LZTFL1: variants seen among roughly 807,000 people sequenced by gnomAD.
LZTFL1 encodes the protein leucine zipper transcription factor like 1, also known as leucine zipper transcription factor-like protein 1.
Under a neutral mutation model 45.9 loss-of-function variants are expected in LZTFL1, and 25 were observed. The ratio of observed to expected loss-of-function variants is 0.54; its 90% CI spans 0.40 to 0.76. The LOEUF is 0.76. Ranked by LOEUF, LZTFL1 falls within the 30% of genes least tolerant of loss-of-function variation. The pLI is 0.00. For synonymous variants in LZTFL1, 93 were observed against 117.4 expected (o/e 0.79, Z 1.35); for missense variants, 277 against 331.1 (o/e 0.84, Z 1.27).
At position 45,900,901 on chromosome 3, in the gene LZTFL1, G is replaced by A. The variant is rs765288021; in HGVS notation, c.-215+12219C>T. On this transcript the variant is annotated intron_variant, in intron 2 of 4. Coordinates refer to the LZTFL1 transcript ENST00000472635. This position sits in a 1 kb window ranked among gnomAD's most constrained non-coding sequence, Gnocchi z 4.7. ...AACTTCAACTTCACTGACTTCTACT[G>A]TGAGAAAAACAATGTCAGGCAGTTT... 6.2e-7 allele frequency: 1 copy of A among 1,614,162 alleles called. No homozygotes were observed. The highest frequency in any genetic ancestry group is 8.5e-7 in the Non-Finnish European group (1 of 1,180,026).
At position 45,889,405 on chromosome 3, in the gene LZTFL1, G is replaced by A. The variant is rs187800497; in HGVS notation, c.-215+23715C>T. ...TAATTACTAGACTTGCTCTTTCTGCGGTAGCTGGAGCAGGCTACAAGTTCC... is the reference window on the plus strand; with the variant it reads ...TAATTACTAGACTTGCTCTTTCTGCAGTAGCTGGAGCAGGCTACAAGTTCC... On this transcript the variant is annotated intron_variant, in intron 2 of 4. Transcript: ENST00000472635. Among the ~76,000 whole-genome samples the A allele has an allele frequency of 1.6e-3, 250 of 152,146 alleles. 1 individual carries two copies. Among genetic ancestry groups the A allele is most frequent in the Admixed American group, 0.015 (236 of 15,280 alleles).
In LZTFL1 at chr3:45,903,641, TG is replaced by T. The variant is rs369586478; in HGVS notation, c.-215+9478del. ...TGCCCACTTCTAAAGCACATGAGAA[TG>T]AGGAATAAAGTGAGCAGACATGGGC... On this transcript the variant is annotated intron_variant, in intron 2 of 4. Coordinates refer to the LZTFL1 transcript ENST00000472635. Among the ~76,000 whole-genome samples, 21 of 152,226 alleles carry T rather than the reference TG, an allele frequency of 1.4e-4. No homozygotes were observed. In the South Asian group the frequency reaches 4.3e-3, roughly 32 times the overall value.
intron 2 of LZTFL1, among the ~76,000 whole-genome samples, chr3:45,899,093 G>A (rs1702463412): frequency 6.6e-6 from 1 of 152,252 alleles, no homozygotes; most frequent in Non-Finnish European, 1.5e-5. Flanking sequence ...TTGAACCTGG[G>A]AGGCGGAGGT....
chr3:45,883,547 T>C, intron 2 of LZTFL1: 1 of 253,668 alleles, frequency 3.9e-6, no homozygotes, highest in Middle Eastern at 1.2e-3. Context: ...ATTTATCTGT[T>C]ATTTCTTCCT....
At chr3:45,829,608 G>GAAAAAAAAA (rs1206418827) in intron 7 of LZTFL1, among the ~76,000 whole-genome samples, 8 of 58,872 alleles carry the variant, frequency 1.4e-4, no homozygotes, top group African/African-American at 4.2e-4. Flanking sequence ...TGTCTCAAAA[G>GAAAAAAAAA]AAAAAAAAAA....
intron 1 of LZTFL1, among the ~76,000 whole-genome samples, chr3:45,914,287 ATTTTT>A (rs61169591): frequency 7.0e-6 from 1 of 142,432 alleles, no homozygotes. Flanking sequence ...ATGGATCTGC[ATTTTT>A]TTTTTTTTTT....
intron 2 of LZTFL1, among the ~76,000 whole-genome samples, chr3:45,881,822 C>A (rs1701865953): frequency 6.6e-6 from 1 of 152,218 alleles, no homozygotes; most frequent in Non-Finnish European, 1.5e-5. Flanking sequence ...AGGCCAGCTG[C>A]CCTGGCTTGC....
intron 1 of LZTFL1, among the ~76,000 whole-genome samples, chr3:45,914,463 G>A (rs1255354175): frequency 1.3e-5 from 2 of 152,048 alleles, no homozygotes; most frequent in African/African-American, 2.4e-5. Context: ...TGGTAGAGAC[G>A]GGGTCTCCCT....
intron 2 of LZTFL1, among the ~76,000 whole-genome samples, chr3:45,837,472 C>T (rs1451859102): frequency 6.6e-6 from 1 of 152,188 alleles, no homozygotes; most frequent in Non-Finnish European, 1.5e-5. Context: ...TAGAAATCAA[C>T]TAACAATTTT....
intron 2 of LZTFL1, among the ~76,000 whole-genome samples, chr3:45,877,633 A>G (rs183978706): frequency 1.1e-3 from 173 of 151,960 alleles, no homozygotes; most frequent in Non-Finnish European, 2.2e-3. Context: ...TTTTCCAAAT[A>G]TGGTTAATAC....
At chr3:45,911,057 T>C (rs1239241421) in intron 2 of LZTFL1, among the ~76,000 whole-genome samples, 1 of 152,190 alleles carries the variant, frequency 6.6e-6, no homozygotes, top group Non-Finnish European at 1.5e-5. Context: ...ACCTTTTACA[T>C]GGCAGCTGGC....
intron 2 of LZTFL1, among the ~76,000 whole-genome samples, chr3:45,912,349 C>T (rs1261627569): frequency 3.9e-5 from 6 of 152,222 alleles, no homozygotes; most frequent in Non-Finnish European, 4.4e-5. Context: ...CTCTACCCCT[C>T]ACTGTCCCTG....
chr3:45,856,099 CT>C (rs138393186), intron 3 of LZTFL1, among the ~76,000 whole-genome samples: 3,747 of 152,132 alleles, frequency 0.025, 159 homozygotes, highest in African/African-American at 0.084. Flanking sequence ...CAAGACAATC[CT>C]AGGCAAAAAG....
At chr3:45,912,091 CAT>C (rs1702805194) in intron 2 of LZTFL1, among the ~76,000 whole-genome samples, 1 of 152,244 alleles carries the variant, frequency 6.6e-6, no homozygotes, top group Non-Finnish European at 1.5e-5. Flanking sequence ...GTGTTCGTCA[CAT>C]AGTCTCCCAG....
intron 2 of LZTFL1, among the ~76,000 whole-genome samples, chr3:45,907,419 G>A (rs1702704287): frequency 6.6e-6 from 1 of 152,222 alleles, no homozygotes; most frequent in African/African-American, 2.4e-5. Flanking sequence ...TGGCCAGGTA[G>A]GTGCTTCAAG....
intron 2 of LZTFL1, among the ~76,000 whole-genome samples, chr3:45,904,739 G>C (rs575175036): frequency 6.6e-6 from 1 of 152,344 alleles, no homozygotes; most frequent in East Asian, 1.9e-4. Context: ...CACCTTTGGA[G>C]ACCACCACAG....
At chr3:45,826,547 T>A (rs1700670061) in intron 9 of LZTFL1, among the ~76,000 whole-genome samples, 1 of 152,246 alleles carries the variant, frequency 6.6e-6, no homozygotes, top group African/African-American at 2.4e-5. Context: ...TCCAAGTCTG[T>A]ATATTTGGCA....
intron 3 of LZTFL1, among the ~76,000 whole-genome samples, chr3:45,855,353 A>G (rs1304765562): frequency 6.6e-6 from 1 of 152,228 alleles, no homozygotes; most frequent in East Asian, 1.9e-4. Flanking sequence ...CCTTCAATAA[A>G]ATTCAACATC....
At chr3:45,870,824 G>A (rs969856905) in intron 2 of LZTFL1, among the ~76,000 whole-genome samples, 3 of 152,226 alleles carry the variant, frequency 2.0e-5, no homozygotes, top group African/African-American at 7.2e-5. Context: ...TCTTCCAGGA[G>A]CTAAGCACTG....
Sources: allele counts gnomAD v4.1 joint callset (sites outside exome capture counted in the v4.1 genomes callset), GRCh38; gene constraint gnomAD v4.1.1; non-coding constraint Gnocchi (gnomAD v3.1); transcripts MANE v1.5; gene names NCBI Gene and HGNC (gene_info 2026-07-23, HGNC 2026-07-21).